The following KIRREL3 variants were observed in gnomAD, a reference collection of about 807,000 sequenced individuals.
KIRREL3 encodes the protein kin of IRRE-like protein 3.
KIRREL3 carries 36 observed loss-of-function variants against 89.7 expected under a neutral mutation model. The ratio of observed to expected loss-of-function variants is 0.40; its 90% CI spans 0.31 to 0.53. KIRREL3 has a LOEUF of 0.53. Ranked by LOEUF, KIRREL3 falls within the 20% of genes least tolerant of loss-of-function variation. KIRREL3 has a pLI of 0.49. For missense variants in KIRREL3, 864 were observed against 1,056.6 expected, an observed-to-expected ratio of 0.82 and a Z score of 2.53; for synonymous variants, 445 against 441.4, an observed-to-expected ratio of 1.01 and a Z score of -0.10.
rs1461515790 is a variant in KIRREL3, at chr11:126,639,994, G to A, written c.56-77082C>T. Among the ~76,000 whole-genome samples, 2 of 152,330 alleles carry A rather than the reference G, an allele frequency of 1.3e-5. No individual in the cohort carries two copies. The highest frequency in any genetic ancestry group is 2.1e-4 in the South Asian group (1 of 4,824). On this transcript the variant is annotated intron_variant, in intron 1 of 16. Coordinates refer to ENST00000525144, the MANE Select transcript of KIRREL3 (RefSeq NM_032531.4). This position sits in a 1 kb window ranked among gnomAD's most constrained non-coding sequence, Gnocchi z 4.3. Reference sequence around the variant, plus strand: ...TAAAGCATCTATGGAGGAACTTGATGTGACATCTGCATGAATACTAAATAA... The same window carrying A: ...TAAAGCATCTATGGAGGAACTTGATATGACATCTGCATGAATACTAAATAA...
At chr11:126,846,509 T>C (rs1377789329) in intron 1 of KIRREL3, among the ~76,000 whole-genome samples, 2 of 152,200 alleles carry the variant, frequency 1.3e-5, no homozygotes, top group Non-Finnish European at 2.9e-5. Context: ...ACTTTAAAGA[T>C]TGTTGGTAAA....
At chr11:126,675,696 A>C (rs1339825799) in intron 1 of KIRREL3, among the ~76,000 whole-genome samples, 1 of 152,192 alleles carries the variant, frequency 6.6e-6, no homozygotes, top group Non-Finnish European at 1.5e-5. Flanking sequence ...GGAAGTAGGG[A>C]GTAAAAAGGA....
At chr11:126,718,800 G>A (rs757340855) in intron 1 of KIRREL3, among the ~76,000 whole-genome samples, 1 of 152,136 alleles carries the variant, frequency 6.6e-6, no homozygotes, top group Non-Finnish European at 1.5e-5. Flanking sequence ...CTAGGGATTA[G>A]GGTCACACCA....
intron 1 of KIRREL3, among the ~76,000 whole-genome samples, chr11:126,826,114 C>A (rs953717675): frequency 1.3e-5 from 2 of 152,168 alleles, no homozygotes; most frequent in Non-Finnish European, 2.9e-5. Context: ...CCCCATTACG[C>A]TTGCCCCCAG....
At position 126,805,879 on chromosome 11, in the gene KIRREL3, TG is replaced by T. The variant is rs1306999954; in HGVS notation, c.55+194575del. Among the ~76,000 whole-genome samples, 1 of 152,160 alleles carries T rather than the reference TG, an allele frequency of 6.6e-6. No homozygotes were observed. The highest frequency in any genetic ancestry group is 1.5e-5 in the Non-Finnish European group (1 of 68,032). ...GACCAGAGAGTCAAACCCAACCCAG[TG>T]GGCCTGGGCAGGTGCCGTGCCATCC... On this transcript the variant is annotated intron_variant, in intron 1 of 16. Transcript: ENST00000525144. This position sits in a 1 kb window ranked among gnomAD's most constrained non-coding sequence, Gnocchi z 4.3.
Position 126,836,535 on chromosome 11 carries a change from C to T in KIRREL3, c.55+163920G>A, listed in dbSNP as rs1349359846. Among the ~76,000 whole-genome samples the T allele has an allele frequency of 2.0e-5, 3 of 152,168 alleles. No individual in the cohort carries two copies. In the South Asian group the frequency reaches 6.2e-4, roughly 32 times the overall value. On this transcript the variant is annotated intron_variant, in intron 1 of 16. Transcript: ENST00000525144. ...TGTATTGACAATCTGGTTAAAGGTG[C>T]CTACCTGGGACTCCTAGAGGATAAA...
At chr11:126,958,671 A>G (rs1219540807) in intron 1 of KIRREL3, among the ~76,000 whole-genome samples, 1 of 152,224 alleles carries the variant, frequency 6.6e-6, no homozygotes, top group Admixed American at 6.5e-5. Context: ...CTTAATCATG[A>G]TAACCTGTGC....
intron 1 of KIRREL3, among the ~76,000 whole-genome samples, chr11:126,630,303 G>A (rs751563717): frequency 2.6e-5 from 4 of 152,168 alleles, no homozygotes; most frequent in Non-Finnish European, 5.9e-5. Context: ...TTTCATCTGG[G>A]CTATGATGCC....
rs1467243181 is a variant in KIRREL3, at chr11:126,594,822, C to G, written c.56-31910G>C. Among the ~76,000 whole-genome samples, 1 of 152,256 alleles carries G rather than the reference C, an allele frequency of 6.6e-6. No individual in the cohort carries two copies. Among genetic ancestry groups the G allele is most frequent in the Non-Finnish European group, 1.5e-5 (1 of 68,046 alleles). On this transcript the variant is annotated intron_variant, in intron 1 of 16. Transcript: ENST00000525144. The surrounding 1 kb of genome is among the most constrained non-coding windows in gnomAD (Gnocchi z 5.0). The stretch of plus-strand genomic sequence containing the variant: ...AATTCTGAAGCCTCAGCGATGGAAC[C>G]TGCATTTGGGAGCTGCTCGATCTTT...
chr11:126,726,374 T>C (rs1324917327), intron 1 of KIRREL3, among the ~76,000 whole-genome samples: 2 of 130,530 alleles, frequency 1.5e-5, no homozygotes, highest in East Asian at 2.0e-4. Flanking sequence ...AGATGCCTCC[T>C]TTTTTTCTTT....
At chr11:126,851,433 C>G (rs1200742076) in intron 1 of KIRREL3, among the ~76,000 whole-genome samples, 1 of 152,164 alleles carries the variant, frequency 6.6e-6, no homozygotes, top group Non-Finnish European at 1.5e-5. Flanking sequence ...CACCTTGGTG[C>G]TATATGTGCA....
chr11:127,000,931 A>C, upstream of KIRREL3: 1 of 355,604 alleles, frequency 2.8e-6, no homozygotes, highest in Non-Finnish European at 5.0e-6. The surrounding 1 kb of genome is among the most constrained non-coding windows in gnomAD (Gnocchi z 7.1). Context: ...ACTCGGAAAA[A>C]GGAGATCTAT....
At chr11:126,845,953 C>CA (rs200708646) in intron 1 of KIRREL3, among the ~76,000 whole-genome samples, 467 of 151,668 alleles carry the variant, frequency 3.1e-3, no homozygotes, top group Non-Finnish European at 4.8e-3. Flanking sequence ...AAAAAACACA[C>CA]AAAAAAAACA....
intron 2 of KIRREL3, among the ~76,000 whole-genome samples, chr11:126,543,360 C>G (rs559504036): frequency 1.1e-4 from 16 of 152,294 alleles, no homozygotes; most frequent in Middle Eastern, 3.4e-3. Flanking sequence ...GACAGAACTC[C>G]TTAGAAGCAG....
rs1942282928 is a variant in KIRREL3, at chr11:126,594,230, C to T, written c.56-31318G>A. Among the ~76,000 whole-genome samples the T allele has an allele frequency of 6.6e-6, 1 of 152,058 alleles. No individual in the cohort carries two copies. The highest frequency in any genetic ancestry group is 1.5e-5 in the Non-Finnish European group (1 of 68,014). On this transcript the variant is annotated intron_variant, in intron 1 of 16. Coordinates refer to ENST00000525144, the MANE Select transcript of KIRREL3 (RefSeq NM_032531.4). The surrounding 1 kb of genome is among the most constrained non-coding windows in gnomAD (Gnocchi z 5.0). ...AGGAAGGGAGGGAAGGATGGAGGAG[C>T]TGGTGAAAACTAACAGTAAGGTGAA...
Position 126,872,269 on chromosome 11 carries a change from T to C in KIRREL3, c.55+128186A>G, listed in dbSNP as rs1945132362. Among the ~76,000 whole-genome samples, 1 of 152,354 alleles carries C rather than the reference T, an allele frequency of 6.6e-6. No individual in the cohort carries two copies. The highest frequency in any genetic ancestry group is 2.1e-4 in the South Asian group (1 of 4,830). Reference sequence around the variant, plus strand: ...ATGACCTGAAAATTACCTTGTATGGTTCCAGAAACTCCCTGCCCCTTTTCT... The same window carrying C: ...ATGACCTGAAAATTACCTTGTATGGCTCCAGAAACTCCCTGCCCCTTTTCT... On this transcript the variant is annotated intron_variant, in intron 1 of 16. Transcript: ENST00000525144. The surrounding 1 kb of genome is among the most constrained non-coding windows in gnomAD (Gnocchi z 4.2).
intron 1 of KIRREL3, among the ~76,000 whole-genome samples, chr11:126,899,565 G>T (rs542053424): frequency 1.3e-5 from 2 of 152,322 alleles, no homozygotes; most frequent in South Asian, 2.1e-4. Flanking sequence ...GGAAGGCAAA[G>T]CTTCCTCAAA....
At chr11:126,986,242 T>C (rs761615595) in intron 1 of KIRREL3, among the ~76,000 whole-genome samples, 23 of 152,162 alleles carry the variant, frequency 1.5e-4, no homozygotes, top group Non-Finnish European at 2.5e-4. Context: ...CCCAGATGCC[T>C]AGTGATGAGA....
At chr11:126,869,232 C>G (rs1945024613) in intron 1 of KIRREL3, among the ~76,000 whole-genome samples, 1 of 150,652 alleles carries the variant, frequency 6.6e-6, no homozygotes, top group South Asian at 2.1e-4. Flanking sequence ...CAGCCCTCAG[C>G]CAATGACAGA....
Sources: gnomAD v4.1 joint callset for allele counts (sites outside exome capture counted in the v4.1 genomes callset) on GRCh38, gnomAD v4.1.1 for gene constraint, Gnocchi (gnomAD v3.1) non-coding constraint, MANE v1.5 for transcripts, NCBI Gene and HGNC (gene_info 2026-07-23, HGNC 2026-07-21) for gene names.